The following OR9Q1 variants were observed in gnomAD, a reference collection of about 807,000 sequenced individuals.
OR9Q1 encodes the protein olfactory receptor 9Q1.
For synonymous variants in OR9Q1, 153 were observed against 148.6 expected (o/e 1.03, Z -0.22); for missense variants, 374 against 378.8 (o/e 0.99, Z 0.11).
At chr11:58,029,216 A>G (rs1023040338) in intron 1 of OR9Q1, among the ~76,000 whole-genome samples, 1 of 152,184 alleles carries the variant, frequency 6.6e-6, no homozygotes, top group East Asian at 1.9e-4. Flanking sequence ...TATTTCTCAG[A>G]CAGCTTATTC....
At chr11:58,086,206 G>A (rs1170513387) in intron 2 of OR9Q1, among the ~76,000 whole-genome samples, 2 of 151,860 alleles carry the variant, frequency 1.3e-5, no homozygotes, top group Non-Finnish European at 2.9e-5. Context: ...ACAAAGGACC[G>A]AAATATACAT....
At chr11:58,109,123 T>C in intron 2 of OR9Q1, 1 of 502,254 alleles carries the variant, frequency 2.0e-6, no homozygotes. Context: ...GGGTGGGAGG[T>C]CACAGAAGAA....
intron 1 of OR9Q1, among the ~76,000 whole-genome samples, chr11:58,040,306 C>G (rs1221798055): frequency 6.6e-6 from 1 of 151,742 alleles, no homozygotes; most frequent in Non-Finnish European, 1.5e-5. Context: ...CACAACAACC[C>G]GAAGATGAAG....
intron 2 of OR9Q1, among the ~76,000 whole-genome samples, chr11:58,149,024 T>C (rs932753490): frequency 2.0e-5 from 3 of 152,206 alleles, no homozygotes; most frequent in African/African-American, 4.8e-5. Context: ...CTTTTTCTTT[T>C]TCTCAACATC....
intron 1 of OR9Q1, among the ~76,000 whole-genome samples, chr11:58,039,112 C>T (rs374512334): frequency 5.9e-5 from 9 of 152,248 alleles, no homozygotes; most frequent in African/African-American, 1.9e-4. Context: ...GCCTCAGCCT[C>T]CCAAGTAACT....
At chr11:58,037,694 T>A (rs1471317140) in intron 1 of OR9Q1, among the ~76,000 whole-genome samples, 13 of 6,270 alleles carry the variant, frequency 2.1e-3, no homozygotes, top group Non-Finnish European at 3.1e-3. Context: ...TATATATTTT[T>A]TTTTTTTTTT....
At chr11:58,098,308 T>C (rs1445815535) in intron 2 of OR9Q1, among the ~76,000 whole-genome samples, 2 of 152,192 alleles carry the variant, frequency 1.3e-5, no homozygotes, top group Non-Finnish European at 2.9e-5. Flanking sequence ...CAGATTCTAT[T>C]TCTTCTTGTT....
At chr11:58,153,842 C>T (rs1854377847) in intron 2 of OR9Q1, among the ~76,000 whole-genome samples, 1 of 152,100 alleles carries the variant, frequency 6.6e-6, no homozygotes, top group Admixed American at 6.5e-5. Context: ...GACTATGATT[C>T]AGCATATGAG....
intron 2 of OR9Q1, among the ~76,000 whole-genome samples, chr11:58,179,163 C>G (rs900805914): frequency 6.6e-6 from 1 of 151,406 alleles, no homozygotes; most frequent in Non-Finnish European, 1.5e-5. Flanking sequence ...GCTGGGATTA[C>G]AGGTGCTCAC....
chr11:58,149,889 A>G (rs1328210656), intron 2 of OR9Q1, among the ~76,000 whole-genome samples: 1 of 152,176 alleles, frequency 6.6e-6, no homozygotes, highest in African/African-American at 2.4e-5. Flanking sequence ...TTGTTTCTAC[A>G]TTTTGGCTAT....
intron 2 of OR9Q1, among the ~76,000 whole-genome samples, chr11:58,064,527 CAGG>C (rs376282187): frequency 3.6e-4 from 55 of 152,246 alleles, no homozygotes; most frequent in Middle Eastern, 3.4e-3. Context: ...CAACCACGCC[CAGG>C]AGATGTTGCT....
At chr11:58,046,863 TAAAAA>T (rs973613878) in intron 1 of OR9Q1, among the ~76,000 whole-genome samples, 1 of 149,562 alleles carries the variant, frequency 6.7e-6, no homozygotes, top group African/African-American at 2.5e-5. Context: ...AACTCCATCT[TAAAAA>T]AAAAGAAAAA....
chr11:58,086,076 A>G (rs949709908), intron 2 of OR9Q1, among the ~76,000 whole-genome samples: 4 of 151,940 alleles, frequency 2.6e-5, no homozygotes, highest in African/African-American at 9.7e-5. Flanking sequence ...CAGACAGACA[A>G]CACACAGACT....
intron 2 of OR9Q1, among the ~76,000 whole-genome samples, chr11:58,071,751 T>G (rs972971911): frequency 1.3e-5 from 2 of 152,228 alleles, no homozygotes; most frequent in Admixed American, 6.5e-5. Context: ...CTTATTTATT[T>G]AGAGATTTTT....
At chr11:58,157,169 C>G (rs1565092761) in intron 2 of OR9Q1, among the ~76,000 whole-genome samples, 1 of 152,116 alleles carries the variant, frequency 6.6e-6, no homozygotes, top group African/African-American at 2.4e-5. Flanking sequence ...ATTCAAATAC[C>G]TGAGTATGGC....
At chr11:58,126,720 T>C (rs984737991) in intron 2 of OR9Q1, among the ~76,000 whole-genome samples, 2 of 152,160 alleles carry the variant, frequency 1.3e-5, no homozygotes, top group Non-Finnish European at 2.9e-5. Context: ...TAAGAGTATA[T>C]GTAGTGTATT....
At chr11:58,107,132 C>T (rs1853848748) in intron 2 of OR9Q1, among the ~76,000 whole-genome samples, 1 of 150,578 alleles carries the variant, frequency 6.6e-6, no homozygotes, top group South Asian at 2.1e-4. Context: ...TTAAATTATA[C>T]TTTACGTTCT....
chr11:58,068,388 A>G (rs1816044884), intron 2 of OR9Q1, among the ~76,000 whole-genome samples: 2 of 151,922 alleles, frequency 1.3e-5, no homozygotes, highest in South Asian at 2.1e-4. Context: ...GGGAAACCCA[A>G]TGCCATGGTT....
chr11:58,176,140 C>T (rs1854604506), intron 2 of OR9Q1, among the ~76,000 whole-genome samples: 1 of 152,314 alleles, frequency 6.6e-6, no homozygotes, highest in South Asian at 2.1e-4. Flanking sequence ...GAGCAAAGTC[C>T]TGTGCTTCCA....
Sources: gnomAD v4.1 joint callset for allele counts (sites outside exome capture counted in the v4.1 genomes callset) on GRCh38, gnomAD v4.1.1 for gene constraint, MANE v1.5 for transcripts, NCBI Gene and HGNC (gene_info 2026-07-23, HGNC 2026-07-21) for gene names.